STEAP3: variants seen among roughly 807,000 people sequenced by gnomAD.
The protein encoded by STEAP3 is metalloreductase STEAP3.
A neutral mutation model predicts 34.9 loss-of-function variants in STEAP3; 35 were observed. The observed-to-expected ratio is 1.00, with a 90% CI of 0.76 to 1.33. The LOEUF is 1.33. Ranked by LOEUF, STEAP3 falls within the 40% of genes most tolerant of loss-of-function variation. The pLI is 0.00. For synonymous variants in STEAP3, 281 were observed against 301.6 expected (o/e 0.93, Z 0.71); for missense variants, 652 against 667.6 (o/e 0.98, Z 0.26).
At position 119,254,769 on chromosome 2, in the gene STEAP3, G is replaced by T; in HGVS notation, c.1136G>T (p.Gly379Val). ...CTCTCCCTGGGAGTGCTGGCCCTCG[G>T]CACGTTGTCCCTGCTGGCCGTGACC... ...IYLSLGVLAL[G>V]TLSLLAVTSL... The change falls in exon 5 of 6, where the codon GGC (glycine) becomes GTC (valine). Residue 379 changes from glycine (G) to valine (V), a missense_variant. By Grantham distance (109) the Gly-to-Val change is moderately radical (BLOSUM62 -3). Transcript: ENST00000393110. The T allele has an allele frequency of 6.2e-7, 1 of 1,614,160 alleles. No individual in the cohort carries two copies. The highest frequency in any genetic ancestry group is 8.5e-7 in the Non-Finnish European group (1 of 1,180,028).
intron 4 of STEAP3, among the ~76,000 whole-genome samples, chr2:119,252,984 ACAAACAACTT>A (rs984772231): frequency 5.8e-4 from 89 of 152,364 alleles, no homozygotes; most frequent in African/African-American, 2.1e-3. Context: ...GAGTTAAAGA[ACAAACAACTT>A]CCAGCGAGGA....
intron 2 of STEAP3, among the ~76,000 whole-genome samples, chr2:119,232,618 G>T (rs776689579): frequency 1.3e-5 from 2 of 152,194 alleles, no homozygotes; most frequent in Non-Finnish European, 2.9e-5. Flanking sequence ...CATAAAATGT[G>T]CGCTGCTTTT....
intron 2 of STEAP3, 26 bp from the exon 3 acceptor site, chr2:119,245,463 G>T: frequency 1.3e-6 from 2 of 1,556,690 alleles, no homozygotes; most frequent in South Asian, 1.2e-5. Context: ...GCCCTCCACT[G>T]ACCAGGTTCC....
chr2:119,257,457 T>C (rs1347568173), intron 5 of STEAP3: 3 of 1,521,322 alleles, frequency 2.0e-6, no homozygotes, highest in South Asian at 1.3e-5. Flanking sequence ...CATGCCGCAG[T>C]GTGTGGCAAC....
At chr2:119,253,713 G>A (rs536413182) in intron 4 of STEAP3, among the ~76,000 whole-genome samples, 5 of 152,302 alleles carry the variant, frequency 3.3e-5, no homozygotes, top group East Asian at 1.9e-4. Flanking sequence ...GGCACTATGC[G>A]AGTGAGTGTT....
chr2:119,253,161 T>A (rs1290209219), intron 4 of STEAP3, among the ~76,000 whole-genome samples: 1 of 152,136 alleles, frequency 6.6e-6, no homozygotes, highest in Non-Finnish European at 1.5e-5. Flanking sequence ...AGACATGACC[T>A]CATCCAAACC....
At chr2:119,243,748 G>A (rs1677320810) in intron 2 of STEAP3, among the ~76,000 whole-genome samples, 2 of 152,172 alleles carry the variant, frequency 1.3e-5, no homozygotes, top group South Asian at 4.1e-4. Context: ...TGGAAGCTGG[G>A]GCCCAGGGAG....
intron 5 of STEAP3, among the ~76,000 whole-genome samples, chr2:119,256,001 T>C (rs1318782895): frequency 2.0e-5 from 3 of 152,204 alleles, no homozygotes; most frequent in Admixed American, 6.5e-5. Context: ...GCGGTCAGTG[T>C]TGGCGGATTA....
At chr2:119,247,657 C>T (rs1243220575) in intron 3 of STEAP3, 22 bp from the exon 4 acceptor site, 1 of 1,511,482 alleles carries the variant, frequency 6.6e-7, no homozygotes, top group Admixed American at 2.1e-5. Flanking sequence ...CGCCGTCTGA[C>T]TGCCCCACTT....
At chr2:119,227,950 C>T (rs1216210049) in intron 1 of STEAP3, among the ~76,000 whole-genome samples, 1 of 152,130 alleles carries the variant, frequency 6.6e-6, no homozygotes, top group Non-Finnish European at 1.5e-5. Flanking sequence ...CTGCTTCAGC[C>T]TCCTGAGCAG....
chr2:119,228,379 G>A (rs111944645), intron 1 of STEAP3, among the ~76,000 whole-genome samples: 1 of 152,166 alleles, frequency 6.6e-6, no homozygotes. Context: ...CTGGGTGACT[G>A]CCCAGGCCTG....
At chr2:119,226,894 C>T (rs1443460497) in intron 1 of STEAP3, among the ~76,000 whole-genome samples, 1 of 152,194 alleles carries the variant, frequency 6.6e-6, no homozygotes, top group Non-Finnish European at 1.5e-5. Flanking sequence ...AACCATGTGA[C>T]TTTCCAACTC....
intron 2 of STEAP3, among the ~76,000 whole-genome samples, chr2:119,243,248 A>G (rs527960106): frequency 1.3e-5 from 2 of 152,304 alleles, no homozygotes; most frequent in Admixed American, 1.3e-4. Flanking sequence ...CAGGACAGGA[A>G]CACATGTCCC....
intron 1 of STEAP3, among the ~76,000 whole-genome samples, chr2:119,228,136 C>A (rs1679099712): frequency 6.6e-6 from 1 of 152,172 alleles, no homozygotes; most frequent in Admixed American, 6.5e-5. Context: ...GGCTGCTTCC[C>A]ATTTCTATAA....
At chr2:119,261,609 T>TC (rs1677944757) in intron 5 of STEAP3, among the ~76,000 whole-genome samples, 1 of 151,904 alleles carries the variant, frequency 6.6e-6, no homozygotes, top group Non-Finnish European at 1.5e-5. Flanking sequence ...ACTCAGCGCT[T>TC]CCCCCTCTGA....
rs549267696 is a variant in STEAP3 at position 119,229,605 on chromosome 2, A to T, written c.-393-1015A>T. ...CATGGCTGGACCGGAATTCACACACATCTCTGTCCAGCTAGGTCCCCCAAC... is the reference window on the plus strand; with the variant it reads ...CATGGCTGGACCGGAATTCACACACTTCTCTGTCCAGCTAGGTCCCCCAAC... On this transcript the variant is annotated intron_variant, in intron 1 of 5. Coordinates refer to ENST00000393110, the MANE Select transcript of STEAP3 (RefSeq NM_182915.3). 6.6e-5 allele frequency among the ~76,000 whole-genome samples: 10 copies of T among 152,284 alleles called. No individual in the cohort carries two copies. The South Asian group carries it at 2.1e-3, about 32-fold the overall frequency.
intron 1 of STEAP3, among the ~76,000 whole-genome samples, chr2:119,229,710 G>A (rs894760623): frequency 6.6e-6 from 1 of 152,116 alleles, no homozygotes; most frequent in African/African-American, 2.4e-5. Flanking sequence ...GGTGCCTTAA[G>A]TGCCCAAGGC....
rs1678085729 is a variant in STEAP3 at position 119,265,554 on chromosome 2, A to G, written c.*2216A>G. ...TCCCAAATGCCACAGTCTGAGGTTGATATCTAAAATCTATGCCTTCAAAAG... is the reference window on the plus strand; with the variant it reads ...TCCCAAATGCCACAGTCTGAGGTTGGTATCTAAAATCTATGCCTTCAAAAG... On this transcript the variant is annotated 3_prime_UTR_variant, in exon 6 of 6. Coordinates refer to ENST00000393110, the MANE Select transcript of STEAP3 (RefSeq NM_182915.3). The G allele has an allele frequency of 6.6e-6, 1 of 152,020 alleles. No homozygotes were observed. The highest frequency in any genetic ancestry group is 2.4e-5 in the African/African-American group (1 of 41,396). The allele number at this position is 152,020 out of a possible 1,614,324, so 9.4% of individuals were successfully genotyped here. A position where few individuals can be genotyped will look rare whatever the true frequency, so the allele number is the denominator to read the frequency against.
chr2:119,226,331 T>C (rs1344556645), intron 1 of STEAP3, among the ~76,000 whole-genome samples: 1 of 152,210 alleles, frequency 6.6e-6, no homozygotes, highest in South Asian at 2.1e-4. Flanking sequence ...GGCCAGGTCT[T>C]CCTGAGCTGA....
Sources: allele counts gnomAD v4.1 joint callset (sites outside exome capture counted in the v4.1 genomes callset), GRCh38; gene constraint gnomAD v4.1.1; transcripts MANE v1.5; gene names NCBI Gene and HGNC (gene_info 2026-07-23, HGNC 2026-07-21).